NOX4: variants seen among roughly 807,000 people sequenced by gnomAD.
The protein encoded by NOX4 is kidney oxidase-1.
In NOX4, 69 loss-of-function variants were observed where a neutral mutation model predicts 87.6. The observed-to-expected ratio is 0.79, with a 90% confidence interval of 0.65 to 0.96. The LOEUF (loss-of-function observed/expected upper bound fraction) is 0.96. NOX4 is among the 40% of genes least tolerant of loss of function. The probability of loss-of-function intolerance (pLI) is 0.00; values close to 1 mark genes in which losing one functional copy is unlikely to be tolerated. For missense variants in NOX4, 680 were observed against 681.5 expected, an observed-to-expected ratio of 1.00 and a Z score of 0.02; for synonymous variants, 275 against 238.2, an observed-to-expected ratio of 1.15 and a Z score of -1.42.
At chr11:89,484,161 G>A (rs947652105) in intron 2 of NOX4, among the ~76,000 whole-genome samples, 1 of 151,988 alleles carries the variant, frequency 6.6e-6, no homozygotes, top group African/African-American at 2.4e-5. Flanking sequence ...ATAAAGATTT[G>A]ACTATCTTTG....
chr11:89,527,607 G>T, the NOX4 span, among the ~76,000 whole-genome samples: 2 of 152,302 alleles, frequency 1.3e-5, no homozygotes, highest in African/African-American at 4.8e-5. Context: ...CCAACATATA[G>T]CTCAGGCTGT....
At chr11:89,400,677 T>A (rs551844593) in intron 9 of NOX4, among the ~76,000 whole-genome samples, 1 of 151,974 alleles carries the variant, frequency 6.6e-6, no homozygotes, top group African/African-American at 2.4e-5. Flanking sequence ...CCTACAGATA[T>A]GTAATGTATA....
At chr11:89,489,708 T>A (rs1946772421) in intron 2 of NOX4, among the ~76,000 whole-genome samples, 1 of 141,812 alleles carries the variant, frequency 7.1e-6, no homozygotes, top group Non-Finnish European at 1.5e-5. Context: ...AGCCTGGGCA[T>A]CGCAGCAAGA....
At chr11:89,535,515 G>A in the NOX4 span, among the ~76,000 whole-genome samples, 2 of 152,190 alleles carry the variant, frequency 1.3e-5, no homozygotes, top group African/African-American at 4.8e-5. Flanking sequence ...GCCAGATGTT[G>A]TAGCAAAACT....
chr11:89,373,009 C>T (rs1939559891), intron 12 of NOX4, among the ~76,000 whole-genome samples: 2 of 151,780 alleles, frequency 1.3e-5, no homozygotes, highest in South Asian at 4.1e-4. Flanking sequence ...TGAAGTTGCC[C>T]TATATACTGG....
chr11:89,392,111 C>T (rs545965467), intron 11 of NOX4, among the ~76,000 whole-genome samples: 5 of 152,068 alleles, frequency 3.3e-5, no homozygotes, highest in Non-Finnish European at 7.4e-5. Context: ...TTTCTCCTCT[C>T]TGTCATTTTG....
At chr11:89,492,216 G>A (rs775449728), upstream of NOX4, 9 of 151,934 alleles carry the variant, frequency 5.9e-5, no homozygotes, top group Admixed American at 2.6e-4. Context: ...GTACCTATTC[G>A]ACACTGCAAC....
At chr11:89,452,209 C>T (rs1042550336) in intron 2 of NOX4, among the ~76,000 whole-genome samples, 2 of 152,248 alleles carry the variant, frequency 1.3e-5, no homozygotes, top group Middle Eastern at 3.4e-3. Flanking sequence ...CTGTTAAGAG[C>T]CTTAAGAGTT....
chr11:89,481,900 T>A (rs1422305530), intron 2 of NOX4, among the ~76,000 whole-genome samples: 7 of 152,138 alleles, frequency 4.6e-5, no homozygotes. Flanking sequence ...CTACGACGAC[T>A]GCTACTATTA....
rs761703750 is a variant in NOX4, at chr11:89,444,231, G to T, written c.351C>A (p.Gly117=). ...TCACCAGATGGGCAGCCACATGCACGCCTACAGAATTACACCAGGGGTAAG... is the reference window on the plus strand; with the variant it reads ...TCACCAGATGGGCAGCCACATGCACTCCTACAGAATTACACCAGGGGTAAG... ...TCGVTICIFS[G]VHVAAHLVNA... The change falls in exon 5 of 18, where the codon GGC becomes GGA. Residue 117 remains glycine, a splice_region_variant and synonymous_variant. Transcript: ENST00000263317. The T allele has an allele frequency of 6.2e-7, 1 of 1,612,632 alleles. No homozygotes were observed. The highest frequency in any genetic ancestry group is 1.7e-5 in the Admixed American group (1 of 59,918).
At chr11:89,374,960 T>C (rs1298609534) in intron 11 of NOX4, among the ~76,000 whole-genome samples, 2 of 152,070 alleles carry the variant, frequency 1.3e-5, no homozygotes, top group African/African-American at 4.8e-5. Context: ...AAGATAAAAG[T>C]ACCATATCTT....
intron 2 of NOX4, among the ~76,000 whole-genome samples, chr11:89,484,288 T>C (rs1442625232): frequency 6.6e-6 from 1 of 152,122 alleles, no homozygotes; most frequent in Non-Finnish European, 1.5e-5. Flanking sequence ...CTTAGAATTC[T>C]GAAAAGTATT....
chr11:89,448,275 A>T (rs1390419000), intron 4 of NOX4, among the ~76,000 whole-genome samples: 1 of 152,122 alleles, frequency 6.6e-6, no homozygotes, highest in Non-Finnish European at 1.5e-5. Context: ...CACACATTAA[A>T]ACAGAAGGGC....
the NOX4 span, among the ~76,000 whole-genome samples, chr11:89,573,450 A>G: frequency 2.6e-5 from 4 of 152,184 alleles, no homozygotes; most frequent in South Asian, 8.3e-4. Flanking sequence ...GAGGCAGGAG[A>G]GTGGTGCAAA....
chr11:89,493,721 T>TTTTTTTATTATTATTA (rs372046431), upstream of NOX4, among the ~76,000 whole-genome samples: 6 of 142,302 alleles, frequency 4.2e-5, no homozygotes, highest in African/African-American at 1.3e-4. Flanking sequence ...GCCAGATTGT[T>TTTTTTTATTATTATTA]TTATTATTAT....
intron 17 of NOX4, among the ~76,000 whole-genome samples, chr11:89,329,232 CA>C (rs1565164171): frequency 6.8e-6 from 1 of 147,944 alleles, no homozygotes; most frequent in East Asian, 2.0e-4. Context: ...AGATGGAATG[CA>C]ATATTTGAAA....
chr11:89,376,121 T>C (rs1324973030), intron 11 of NOX4, among the ~76,000 whole-genome samples: 2 of 152,202 alleles, frequency 1.3e-5, no homozygotes, highest in African/African-American at 4.8e-5. Flanking sequence ...CAATATATCT[T>C]CGAATGCTAA....
At chr11:89,372,057 C>T (rs1442293060) in intron 12 of NOX4, among the ~76,000 whole-genome samples, 1 of 151,756 alleles carries the variant, frequency 6.6e-6, no homozygotes, top group Non-Finnish European at 1.5e-5. Flanking sequence ...TTTCAAAACA[C>T]ATCTTTCTTA....
intron 2 of NOX4, among the ~76,000 whole-genome samples, chr11:89,461,822 G>A (rs1487707149): frequency 6.6e-6 from 1 of 151,920 alleles, no homozygotes; most frequent in Non-Finnish European, 1.5e-5. Context: ...TCAAGTTATG[G>A]AAAAATTATT....
Sources: allele counts gnomAD v4.1 joint callset (sites outside exome capture counted in the v4.1 genomes callset), GRCh38; gene constraint gnomAD v4.1.1; transcripts MANE v1.5; gene names NCBI Gene and HGNC (gene_info 2026-07-23, HGNC 2026-07-21).